The following MAGI1 variants were observed in gnomAD, a reference collection of about 807,000 sequenced individuals.
The protein encoded by MAGI1 is membrane associated guanylate kinase, WW and PDZ domain containing 1.
In MAGI1, 58 loss-of-function variants were observed where a neutral mutation model predicts 139.9. That is an observed-to-expected ratio of 0.41 (90% confidence interval 0.34 to 0.52). MAGI1 has a LOEUF of 0.52. Among genes scored for constraint, MAGI1 ranks in the 20% least tolerant of loss-of-function variants. The probability of loss-of-function intolerance (pLI) is 0.12; values close to 1 mark genes in which losing one functional copy is unlikely to be tolerated. For synonymous variants in MAGI1, 812 were observed against 737.9 expected (o/e 1.10, Z -1.63); for missense variants, 1,874 against 1,901.6 (o/e 0.99, Z 0.27).
intron 2 of MAGI1, 109 bp downstream of exon 2, chr3:65,621,863 A>G: frequency 1.4e-6 from 1 of 731,978 alleles, no homozygotes; most frequent in Non-Finnish European, 2.3e-6. Context: ...CAGTAGGCCA[A>G]CCACCAGGTG....
intron 1 of MAGI1, among the ~76,000 whole-genome samples, chr3:65,997,865 ATAG>A (rs2066535404): frequency 6.6e-6 from 1 of 151,978 alleles, no homozygotes; most frequent in Non-Finnish European, 1.5e-5. Context: ...ACAAGGCAAA[ATAG>A]TAGTTGTTGG....
At chr3:65,712,070 C>T (rs1312381706) in intron 1 of MAGI1, among the ~76,000 whole-genome samples, 5 of 152,112 alleles carry the variant, frequency 3.3e-5, no homozygotes, top group Non-Finnish European at 7.4e-5. Context: ...AAATGGTTGG[C>T]TCTTGTGATG....
chr3:65,930,027 T>C (rs1031167014), intron 1 of MAGI1, among the ~76,000 whole-genome samples: 1 of 152,088 alleles, frequency 6.6e-6, no homozygotes, highest in South Asian at 2.1e-4. Flanking sequence ...TTAAAAATTA[T>C]ATTTCTAGGC....
chr3:66,035,000 C>T (rs1285854346), intron 1 of MAGI1, among the ~76,000 whole-genome samples: 1 of 152,128 alleles, frequency 6.6e-6, no homozygotes, highest in Non-Finnish European at 1.5e-5. Flanking sequence ...GCATACATCG[C>T]TTAAAACTCA....
chr3:65,999,245 A>G (rs2066615071), intron 1 of MAGI1, among the ~76,000 whole-genome samples: 1 of 152,132 alleles, frequency 6.6e-6, no homozygotes, highest in Non-Finnish European at 1.5e-5. Flanking sequence ...ACTCCCTGAC[A>G]GGCACCAGTG....
intron 1 of MAGI1, among the ~76,000 whole-genome samples, chr3:65,750,353 G>A (rs1285106498): frequency 6.6e-6 from 1 of 152,082 alleles, no homozygotes; most frequent in Non-Finnish European, 1.5e-5. Context: ...TGGTGAGAAA[G>A]GGATCTTTAA....
intron 1 of MAGI1, among the ~76,000 whole-genome samples, chr3:65,845,002 C>T (rs1270413621): frequency 6.6e-6 from 1 of 151,994 alleles, no homozygotes; most frequent in Non-Finnish European, 1.5e-5. Context: ...ACTGTAATCC[C>T]AGCACTTTGG....
At chr3:66,023,537 A>C (rs2068073002) in intron 1 of MAGI1, among the ~76,000 whole-genome samples, 1 of 152,194 alleles carries the variant, frequency 6.6e-6, no homozygotes, top group South Asian at 2.1e-4. Context: ...TGGTTTGCAA[A>C]AAACAAAAAA....
chr3:65,671,840 G>A (rs2086878905), intron 1 of MAGI1, among the ~76,000 whole-genome samples: 1 of 152,138 alleles, frequency 6.6e-6, no homozygotes, highest in Non-Finnish European at 1.5e-5. Context: ...ACTGCACAGA[G>A]AGGGTGTAAT....
chr3:65,374,036 T>C (rs1295768920), intron 18 of MAGI1, among the ~76,000 whole-genome samples: 1 of 152,236 alleles, frequency 6.6e-6, no homozygotes, highest in Non-Finnish European at 1.5e-5. Flanking sequence ...ATTTGGTAAA[T>C]AACTTTCAGA....
At chr3:65,620,314 A>G (rs1022270561) in intron 2 of MAGI1, among the ~76,000 whole-genome samples, 2 of 152,194 alleles carry the variant, frequency 1.3e-5, no homozygotes, top group Non-Finnish European at 2.9e-5. Context: ...CCTAGATGAC[A>G]TAAGAGTGAA....
intron 1 of MAGI1, among the ~76,000 whole-genome samples, chr3:65,905,390 G>A (rs1222887467): frequency 6.6e-6 from 1 of 151,164 alleles, no homozygotes; most frequent in Non-Finnish European, 1.5e-5. Flanking sequence ...TCTTAGCCTG[G>A]GCAACCTAGT....
intron 1 of MAGI1, chr3:65,844,521 G>C: frequency 4.2e-6 from 1 of 237,288 alleles, no homozygotes; most frequent in South Asian, 5.7e-5. Context: ...CCTCTTCTCA[G>C]AGAGCCCTGA....
intron 1 of MAGI1, among the ~76,000 whole-genome samples, chr3:65,847,617 C>T (rs1202840318): frequency 6.6e-6 from 1 of 152,084 alleles, no homozygotes; most frequent in African/African-American, 2.4e-5. Context: ...AATTTAAAAT[C>T]CCGAGAGTAC....
At chr3:65,948,595 CA>C (rs1202874979) in intron 1 of MAGI1, among the ~76,000 whole-genome samples, 6 of 152,010 alleles carry the variant, frequency 3.9e-5, no homozygotes, top group Non-Finnish European at 8.8e-5. Context: ...AGGGTTAACC[CA>C]AAAAACATCT....
chr3:65,791,782 C>A (rs2039792065), intron 1 of MAGI1, among the ~76,000 whole-genome samples: 1 of 152,100 alleles, frequency 6.6e-6, no homozygotes, highest in Admixed American at 6.6e-5. Context: ...TATATTACTT[C>A]CATAGCAGAA....
intron 1 of MAGI1, among the ~76,000 whole-genome samples, chr3:65,735,697 A>G (rs2034665917): frequency 6.6e-6 from 1 of 152,176 alleles, no homozygotes; most frequent in Non-Finnish European, 1.5e-5. Context: ...TACTGAAGAC[A>G]AAAAGAAAAG....
In MAGI1 at chr3:65,604,345, T is replaced by C. The variant is rs570634494; in HGVS notation, c.430+17627A>G. ...GCCTGGATAATGATGTTTAGTTATA[T>C]ATTGATATTAATATATAATGATTAT... is the stretch of plus-strand genomic sequence containing the variant. On this transcript the variant is annotated intron_variant, in intron 2 of 22. Coordinates refer to ENST00000402939, the MANE Select transcript of MAGI1 (RefSeq NM_001033057.2). Among the ~76,000 whole-genome samples the C allele has an allele frequency of 2.6e-5, 4 of 152,282 alleles. No individual in the cohort carries two copies. In the East Asian group the frequency reaches 5.8e-4, roughly 22 times the overall value.
chr3:65,647,866 C>G (rs2085349318), intron 1 of MAGI1, among the ~76,000 whole-genome samples: 1 of 152,154 alleles, frequency 6.6e-6, no homozygotes, highest in African/African-American at 2.4e-5. Flanking sequence ...AAATGGAATA[C>G]TTTTCCCCCT....
Sources: allele counts gnomAD v4.1 joint callset (sites outside exome capture counted in the v4.1 genomes callset), GRCh38; gene constraint gnomAD v4.1.1; transcripts MANE v1.5; gene names NCBI Gene and HGNC (gene_info 2026-07-23, HGNC 2026-07-21).